AGTPBP1: variants seen among roughly 807,000 people sequenced by gnomAD.
AGTPBP1 encodes the protein cytosolic carboxypeptidase 1.
A neutral mutation model predicts 143.9 loss-of-function variants in AGTPBP1; 70 were observed. That is an observed-to-expected ratio of 0.49 (90% CI 0.40 to 0.59). The LOEUF is 0.59. Ranked by LOEUF, AGTPBP1 falls within the 20% of genes least tolerant of loss-of-function variation. The pLI, the probability that AGTPBP1 is intolerant of heterozygous loss-of-function variation, is 0.00. For missense variants in AGTPBP1, 1,229 were observed against 1,464.5 expected, an observed-to-expected ratio of 0.84 and a Z score of 2.62; for synonymous variants, 463 against 500.2, an observed-to-expected ratio of 0.93 and a Z score of 0.99.
chr9:85,783,782 C>T, the AGTPBP1 span, among the ~76,000 whole-genome samples: 67 of 152,178 alleles, frequency 4.4e-4, no homozygotes, highest in Non-Finnish European at 7.5e-4. Context: ...TTACAGGTGC[C>T]GCCACCAGGC....
chr9:85,592,841 TA>T (rs1263688206), intron 18 of AGTPBP1, 137 bp from the exon 19 acceptor site: 1 of 959,034 alleles, frequency 1.0e-6, no homozygotes, highest in Non-Finnish European at 1.6e-6. Flanking sequence ...TACCCTATTT[TA>T]AAAAAACTTA....
At chr9:85,776,643 A>G in the AGTPBP1 span, among the ~76,000 whole-genome samples, 2 of 152,198 alleles carry the variant, frequency 1.3e-5, no homozygotes, top group African/African-American at 4.8e-5. Flanking sequence ...CACCCCAGCC[A>G]ATACTGTAAC....
chr9:85,786,721 C>G, the AGTPBP1 span: 8 of 1,110,378 alleles, frequency 7.2e-6, no homozygotes, highest in Non-Finnish European at 9.9e-6. Flanking sequence ...CTTTTATATG[C>G]TATAGATGTG....
intron 1 of AGTPBP1, among the ~76,000 whole-genome samples, chr9:85,713,571 C>A (rs770817055): frequency 2.2e-4 from 33 of 152,186 alleles, no homozygotes; most frequent in Non-Finnish European, 3.8e-4. Context: ...ACCAGTTAAT[C>A]ACATACTTAT....
At chr9:85,602,951 A>G (rs1300638494) in intron 17 of AGTPBP1, among the ~76,000 whole-genome samples, 1 of 152,172 alleles carries the variant, frequency 6.6e-6, no homozygotes, top group East Asian at 1.9e-4. Flanking sequence ...GGTGTTCACG[A>G]AGGGAGTATT....
intron 17 of AGTPBP1, among the ~76,000 whole-genome samples, chr9:85,606,863 A>G (rs1830020385): frequency 6.6e-6 from 1 of 151,990 alleles, no homozygotes; most frequent in South Asian, 2.1e-4. Flanking sequence ...ATCTCATGGA[A>G]GTAGAAATTA....
At chr9:85,699,394 A>G (rs1836499331) in intron 2 of AGTPBP1, among the ~76,000 whole-genome samples, 1 of 152,198 alleles carries the variant, frequency 6.6e-6, no homozygotes, top group African/African-American at 2.4e-5. Flanking sequence ...ATTTTCCTAA[A>G]AATATAAATT....
At chr9:85,559,308 A>G (rs1826546998) in intron 25 of AGTPBP1, among the ~76,000 whole-genome samples, 1 of 152,154 alleles carries the variant, frequency 6.6e-6, no homozygotes, top group Non-Finnish European at 1.5e-5. Flanking sequence ...CCCTGGGAAT[A>G]TATAACATAA....
At chr9:85,805,145 A>C in the AGTPBP1 span, among the ~76,000 whole-genome samples, 23 of 152,102 alleles carry the variant, frequency 1.5e-4, no homozygotes, top group African/African-American at 4.8e-4. Context: ...TTTCTCCAGC[A>C]GGTGGTTCTG....
chr9:85,779,970 A>C, the AGTPBP1 span, among the ~76,000 whole-genome samples: 1 of 152,246 alleles, frequency 6.6e-6, no homozygotes, highest in Non-Finnish European at 1.5e-5. Flanking sequence ...AATTAAGTTG[A>C]TTTATATGAC....
intron 17 of AGTPBP1, among the ~76,000 whole-genome samples, chr9:85,600,790 G>A (rs1829617378): frequency 6.6e-6 from 1 of 152,044 alleles, no homozygotes; most frequent in Non-Finnish European, 1.5e-5. Context: ...TGAGAACCCA[G>A]CCCCCACTCA....
chr9:85,663,395 A>C (rs1833954189), intron 8 of AGTPBP1, among the ~76,000 whole-genome samples: 1 of 152,120 alleles, frequency 6.6e-6, no homozygotes, highest in African/African-American at 2.4e-5. Flanking sequence ...AGTGGGGAAA[A>C]ATCAGTCCTA....
chr9:85,568,988 A>G (rs2132955987), intron 25 of AGTPBP1, among the ~76,000 whole-genome samples: 1 of 152,312 alleles, frequency 6.6e-6, no homozygotes, highest in Admixed American at 6.5e-5. Flanking sequence ...GGAGTTGTCA[A>G]CATACAGATA....
chr9:85,632,178 A>G (rs1323531796), intron 14 of AGTPBP1, among the ~76,000 whole-genome samples: 2 of 152,070 alleles, frequency 1.3e-5, no homozygotes, highest in Non-Finnish European at 2.9e-5. Context: ...TAAAAGGGGT[A>G]TCCCTCACTT....
chr9:85,764,988 G>A, the AGTPBP1 span: 1 of 714,486 alleles, frequency 1.4e-6, no homozygotes, highest in Non-Finnish European at 2.6e-6. Flanking sequence ...GATTTCCTCA[G>A]TCTTTTTCAC....
chr9:85,613,580 G>C (rs1490082629), intron 17 of AGTPBP1, among the ~76,000 whole-genome samples: 1 of 151,860 alleles, frequency 6.6e-6, no homozygotes, highest in Non-Finnish European at 1.5e-5. Context: ...AACTAGTCTA[G>C]ACTGAGTTAT....
chr9:85,769,469 T>G, the AGTPBP1 span, among the ~76,000 whole-genome samples: 2 of 142,442 alleles, frequency 1.4e-5, no homozygotes, highest in Non-Finnish European at 3.0e-5. Context: ...GAGGTTTGCT[T>G]GGGCCCAAGA....
intron 25 of AGTPBP1, among the ~76,000 whole-genome samples, chr9:85,568,314 A>G (rs1343218659): frequency 6.6e-6 from 1 of 152,220 alleles, no homozygotes; most frequent in Non-Finnish European, 1.5e-5. Context: ...CCATTTTCAT[A>G]GTGTTTCATT....
the AGTPBP1 span, among the ~76,000 whole-genome samples, chr9:85,764,526 A>G: frequency 3.3e-5 from 5 of 152,166 alleles, no homozygotes; most frequent in Non-Finnish European, 5.9e-5. Flanking sequence ...GCAAAACTCC[A>G]TGTCAAAAAC....
Sources: allele counts gnomAD v4.1 joint callset (sites outside exome capture counted in the v4.1 genomes callset), GRCh38; gene constraint gnomAD v4.1.1; transcripts MANE v1.5; gene names NCBI Gene and HGNC (gene_info 2026-07-23, HGNC 2026-07-21).